Variants in GNPAT observed in about 807,000 individuals in gnomAD.
GNPAT encodes glyceronephosphate O-acyltransferase.
Under a neutral mutation model 78.4 loss-of-function variants are expected in GNPAT, and 30 were observed. The observed-to-expected ratio is 0.38, with a 90% confidence interval of 0.29 to 0.52. GNPAT has a LOEUF of 0.52. Among genes scored for constraint, GNPAT ranks in the 20% least tolerant of loss-of-function variants. The pLI, the probability that GNPAT is intolerant of heterozygous loss-of-function variation, is 0.84. For missense variants in GNPAT, 714 were observed against 812.2 expected (o/e 0.88, Z 1.47); for synonymous variants, 271 against 281.1 (o/e 0.96, Z 0.36).
intron 1 of GNPAT, among the ~76,000 whole-genome samples, chr1:231,247,324 A>G (rs1206211609): frequency 6.6e-6 from 1 of 152,222 alleles, no homozygotes; most frequent in Non-Finnish European, 1.5e-5. Flanking sequence ...AGTTCATACT[A>G]GAAACTGGGA....
intron 4 of GNPAT, 128 bp from the exon 5 acceptor site, chr1:231,265,165 C>A: frequency 1.3e-6 from 1 of 762,034 alleles, no homozygotes; most frequent in Non-Finnish European, 2.2e-6. Context: ...ACCAACCTAG[C>A]CAACATAGCG....
At chr1:231,255,579 A>C (rs950714807) in intron 2 of GNPAT, among the ~76,000 whole-genome samples, 2 of 152,112 alleles carry the variant, frequency 1.3e-5, no homozygotes, top group Admixed American at 6.6e-5. Context: ...ATGTGCCACC[A>C]TGCCCAGCTT....
intron 1 of GNPAT, among the ~76,000 whole-genome samples, chr1:231,241,844 C>T (rs1684619393): frequency 1.3e-5 from 2 of 152,216 alleles, no homozygotes; most frequent in Admixed American, 6.5e-5. Context: ...TTTGACCCGC[C>T]CTGAGATAGC....
chr1:231,277,700 A>G lies in GNPAT; in HGVS notation c.*158A>G, dbSNP rs1685756221. On this transcript the variant is annotated 3_prime_UTR_variant, in exon 16 of 16. Coordinates refer to ENST00000366647, the MANE Select transcript of GNPAT (RefSeq NM_014236.4). ...GAGGGAAGAGATGATCATTGGAAGC[A>G]ATCAGTTTACTCTTCCCCACCACAG... The G allele has an allele frequency of 1.4e-5, 9 of 644,366 alleles. No individual in the cohort carries two copies. The highest frequency in any genetic ancestry group is 2.5e-4 in the Middle Eastern group (1 of 4,002). The allele number at this position is 644,366 out of a possible 1,614,324, so 39.9% of individuals were successfully genotyped here. A position where few individuals can be genotyped will look rare whatever the true frequency, so the allele number is the denominator to read the frequency against.
intron 15 of GNPAT, among the ~76,000 whole-genome samples, chr1:231,276,570 A>C (rs1282480181): frequency 6.6e-6 from 1 of 152,218 alleles, no homozygotes; most frequent in East Asian, 1.9e-4. Flanking sequence ...GTGAGAGATT[A>C]GTGTCAGTGT....
At chr1:231,247,589 A>G (rs970872008) in intron 1 of GNPAT, among the ~76,000 whole-genome samples, 1 of 152,230 alleles carries the variant, frequency 6.6e-6, no homozygotes, top group African/African-American at 2.4e-5. Flanking sequence ...ACAGTGCGGA[A>G]GGAGCATTTG....
chr1:231,266,279 G>A lies in GNPAT; in HGVS notation c.927G>A (p.Gly309=), dbSNP rs1239042101. 6.2e-7 allele frequency: 1 copy of A among 1,614,104 alleles called. No individual in the cohort carries two copies. The highest frequency in any genetic ancestry group is 8.5e-7 in the Non-Finnish European group (1 of 1,180,004). ...GVPKPKESTT[G]LLKARKILSE... is the part of the protein sequence containing the mutation. Reference sequence around the variant, plus strand: ...CCCCCCTGTTATGGTACTATTAGGGGTTGCTGAAAGCCAGAAAGATTCTCT... The same window carrying A: ...CCCCCCTGTTATGGTACTATTAGGGATTGCTGAAAGCCAGAAAGATTCTCT... The change falls in exon 8 of 16, where the codon GGG becomes GGA. Residue 309 remains glycine, a splice_region_variant and synonymous_variant. Coordinates refer to ENST00000366647, the MANE Select transcript of GNPAT (RefSeq NM_014236.4).
chr1:231,257,821 C>T (rs2102809851), intron 2 of GNPAT, among the ~76,000 whole-genome samples: 1 of 152,292 alleles, frequency 6.6e-6, no homozygotes, highest in African/African-American at 2.4e-5. Flanking sequence ...CCACATACAC[C>T]TCAGAATCTG....
intron 2 of GNPAT, among the ~76,000 whole-genome samples, chr1:231,256,210 CTGTTTTTATA>C (rs1280061635): frequency 3.9e-5 from 6 of 152,216 alleles, no homozygotes; most frequent in African/African-American, 1.4e-4. Flanking sequence ...TTTCATGTAT[CTGTTTTTATA>C]TGTCTACTAG....
intron 2 of GNPAT, among the ~76,000 whole-genome samples, chr1:231,254,728 G>A (rs866917831): frequency 2.0e-5 from 3 of 151,432 alleles, no homozygotes; most frequent in Admixed American, 1.3e-4. Context: ...AATTATAGGC[G>A]TGAGCCATTG....
chr1:231,243,317 TTTTTGTTTTTGTTTTTG>T (rs1028468328), intron 1 of GNPAT, among the ~76,000 whole-genome samples: 82 of 152,172 alleles, frequency 5.4e-4, no homozygotes, highest in African/African-American at 1.9e-3. Flanking sequence ...TCCTTTTTTG[TTTTTGTTTTTGTTTTTG>T]TTTTGTTTTG....
At chr1:231,253,467 T>G (rs981935238) in intron 2 of GNPAT, among the ~76,000 whole-genome samples, 19 of 152,254 alleles carry the variant, frequency 1.2e-4, no homozygotes, top group Non-Finnish European at 1.9e-4. Context: ...TGTAGAGATC[T>G]TGCTTTTTTA....
At chr1:231,252,298 G>A (rs1684919462) in intron 2 of GNPAT, among the ~76,000 whole-genome samples, 2 of 152,200 alleles carry the variant, frequency 1.3e-5, no homozygotes, top group African/African-American at 4.8e-5. Flanking sequence ...GGAATGGAAG[G>A]AAAAGAAAGA....
At chr1:231,265,240 T>C in intron 4 of GNPAT, 53 bp from the exon 5 acceptor site, 1 of 1,266,120 alleles carries the variant, frequency 7.9e-7, no homozygotes, top group Admixed American at 1.7e-5. Flanking sequence ...TAAGTTTAGA[T>C]CTTTATAGAA....
At position 231,246,461 on chromosome 1, in the gene GNPAT, T is replaced by C. The variant is rs532561133; in HGVS notation, c.79-4500T>C. On this transcript the variant is annotated intron_variant, in intron 1 of 15. Transcript: ENST00000366647. Reference sequence around the variant, plus strand: ...GTACACTGTGAGCTCTCAGTCACTATCTGTTGAATGAGTGGATCCTCCAGA... The same window carrying C: ...GTACACTGTGAGCTCTCAGTCACTACCTGTTGAATGAGTGGATCCTCCAGA... Among the ~76,000 whole-genome samples, 3 of 152,348 alleles carry C rather than the reference T, an allele frequency of 2.0e-5. No individual in the cohort carries two copies. In the South Asian group the frequency reaches 6.2e-4, roughly 32 times the overall value.
In GNPAT at chr1:231,262,705, G is replaced by C; in HGVS notation, c.439-18G>C. On this transcript the variant is annotated intron_variant, in intron 3 of 15. Transcript: ENST00000366647. Reference sequence around the variant, plus strand: ...CATGACAACTGAAATTATTCAAAATGTAACATTTACTTTCAAGCTACAAAG... The same window carrying C: ...CATGACAACTGAAATTATTCAAAATCTAACATTTACTTTCAAGCTACAAAG... 1 of 1,594,092 alleles carries C rather than the reference G, an allele frequency of 6.3e-7. No individual in the cohort carries two copies. The highest frequency in any genetic ancestry group is 2.2e-5 in the East Asian group (1 of 44,784).
rs771100939 is a variant in GNPAT at position 231,266,258 on chromosome 1, C to A, written c.925-19C>A. ...TTACTGCTTTTCGTTTTCTTCCCCC[C>A]CTGTTATGGTACTATTAGGGGTTGC... is the stretch of plus-strand genomic sequence containing the variant. On this transcript the variant is annotated intron_variant, in intron 7 of 15. Coordinates refer to ENST00000366647, the MANE Select transcript of GNPAT (RefSeq NM_014236.4). The A allele has an allele frequency of 8.1e-6, 13 of 1,613,950 alleles. No homozygotes were observed. Among genetic ancestry groups the A allele is most frequent in the African/African-American group, 5.3e-5 (4 of 74,900 alleles).
At chr1:231,244,965 ATCT>A (rs763305942) in intron 1 of GNPAT, among the ~76,000 whole-genome samples, 11 of 152,166 alleles carry the variant, frequency 7.2e-5, no homozygotes, top group Non-Finnish European at 1.5e-5. Context: ...GACTTTACTA[ATCT>A]TCTTGTTCAC....
intron 10 of GNPAT, among the ~76,000 whole-genome samples, chr1:231,271,596 C>T (rs1470874307): frequency 2.0e-5 from 3 of 152,046 alleles, no homozygotes; most frequent in Admixed American, 2.0e-4. Flanking sequence ...TTGGTTTTGG[C>T]TTTTCAAAGC....
Sources: allele counts gnomAD v4.1 joint callset (sites outside exome capture counted in the v4.1 genomes callset), GRCh38; gene constraint gnomAD v4.1.1; transcripts MANE v1.5; gene names NCBI Gene and HGNC (gene_info 2026-07-23, HGNC 2026-07-21).